Variants in DNAJC9 observed in about 807,000 individuals in gnomAD.
DNAJC9 encodes the protein dnaJ homolog subfamily C member 9.
A neutral mutation model predicts 32.4 loss-of-function variants in DNAJC9; 18 were observed. That is an observed-to-expected ratio of 0.56 (90% CI 0.38 to 0.82). The LOEUF is 0.82. Among genes scored for constraint, DNAJC9 ranks in the 40% least tolerant of loss-of-function variants. The pLI is 0.00. For missense variants in DNAJC9, 310 were observed against 321.8 expected (o/e 0.96, Z 0.28); for synonymous variants, 113 against 122.1 (o/e 0.93, Z 0.49).
At chr10:73,240,959 T>G, downstream of DNAJC9, 1 of 1,541,086 alleles carries the variant, frequency 6.5e-7, no homozygotes, top group African/African-American at 1.4e-5. Context: ...CTCAGTTACA[T>G]GGGTCTACAA....
At chr10:73,234,920 G>GT (rs2043788318), downstream of DNAJC9, 5 of 1,552,036 alleles carry the variant, frequency 3.2e-6, no homozygotes, top group Non-Finnish European at 3.5e-6. Flanking sequence ...TGTGAGCACT[G>GT]TGGGGCCACA....
chr10:73,239,360 G>A (rs1411723310), downstream of DNAJC9: 2 of 1,551,638 alleles, frequency 1.3e-6, no homozygotes, highest in East Asian at 2.4e-5. Context: ...TCCTCATCAG[G>A]CCCGACCTGG....
At chr10:73,234,913 G>A, downstream of DNAJC9, 1 of 1,552,004 alleles carries the variant, frequency 6.4e-7, no homozygotes. Context: ...TGGAACATGT[G>A]AGCACTGTGG....
chr10:73,240,474 A>T (rs1204253413), downstream of DNAJC9, among the ~76,000 whole-genome samples: 2 of 152,190 alleles, frequency 1.3e-5, no homozygotes, highest in South Asian at 2.1e-4. Flanking sequence ...GCACTTTCGG[A>T]GGCCAAGGCG....
At chr10:73,238,352 C>T (rs1002067044), downstream of DNAJC9, among the ~76,000 whole-genome samples, 1 of 152,058 alleles carries the variant, frequency 6.6e-6, no homozygotes, top group Non-Finnish European at 1.5e-5. Context: ...TCTGTCCCCC[C>T]ACAAAAAAAA....
intron 3 of DNAJC9, among the ~76,000 whole-genome samples, chr10:73,244,845 C>G (rs962120190): frequency 6.6e-6 from 1 of 152,182 alleles, no homozygotes; most frequent in Non-Finnish European, 1.5e-5. Context: ...GATGATGATA[C>G]ATTAGGACCC....
chr10:73,235,003 G>T, downstream of DNAJC9: 2 of 1,529,212 alleles, frequency 1.3e-6, no homozygotes, highest in South Asian at 1.2e-5. Flanking sequence ...CAGTAATTCT[G>T]CAGGATCTGT....
At chr10:73,240,747 G>A (rs1362853109), downstream of DNAJC9, among the ~76,000 whole-genome samples, 1 of 151,296 alleles carries the variant, frequency 6.6e-6, no homozygotes, top group Non-Finnish European at 1.5e-5. Flanking sequence ...TATAACTTAT[G>A]TAACACTGAA....
At chr10:73,233,253 T>C (rs1473439751) in intron 2 of DNAJC9, 2 of 946,044 alleles carry the variant, frequency 2.1e-6, no homozygotes, top group East Asian at 2.6e-5. Flanking sequence ...CTGAAATCTA[T>C]GCCTAGAAAC....
chr10:73,246,634 G>T, intron 2 of DNAJC9, 54 bp downstream of exon 2: 1 of 1,582,784 alleles, frequency 6.3e-7, no homozygotes, highest in Non-Finnish European at 8.7e-7. Context: ...GTCAATAAAG[G>T]TTTGTTGATT....
chr10:73,235,455 G>A, downstream of DNAJC9: 4 of 1,448,496 alleles, frequency 2.8e-6, no homozygotes, highest in Non-Finnish European at 2.7e-6. Context: ...AATAAAAAGT[G>A]TTATAAATAC....
In DNAJC9 at chr10:73,247,250, A is replaced by G. The variant is rs2044026651; in HGVS notation, c.-61T>C. ...CTCCCAGCTGCGCCGGGTACAACCC[A>G]GGACTGCTTCTTTTTCGCGCCCAAA... On this transcript the variant is annotated 5_prime_UTR_variant, in exon 1 of 5. Coordinates refer to ENST00000372950, the MANE Select transcript of DNAJC9 (RefSeq NM_015190.5). The G allele has an allele frequency of 6.5e-7, 1 of 1,545,024 alleles. No individual in the cohort carries two copies.
chr10:73,239,283 TAAG>T (rs760513407), downstream of DNAJC9: 2 of 1,533,308 alleles, frequency 1.3e-6, no homozygotes, highest in Non-Finnish European at 1.8e-6. Flanking sequence ...AGATGCATCA[TAAG>T]AAGTGTCTCC....
chr10:73,237,852 T>C (rs552594563), downstream of DNAJC9, among the ~76,000 whole-genome samples: 25 of 152,230 alleles, frequency 1.6e-4, no homozygotes, highest in African/African-American at 5.8e-4. Flanking sequence ...GCCTCCCAAG[T>C]AGCTGGGATT....
chr10:73,241,530 C>T (rs925316303), downstream of DNAJC9: 1 of 157,972 alleles, frequency 6.3e-6, no homozygotes, highest in Non-Finnish European at 1.4e-5. Flanking sequence ...ATGTCCTACC[C>T]TATCAGCAGA....
In DNAJC9 at chr10:73,247,136, C is replaced by G. The variant is rs1312864902; in HGVS notation, c.54G>C (p.Arg18=). ...EEVFGTADLY[R]VLGVRREASD... ...AGGCCTCGCGTCGCACGCCCAGCAC[C>G]CGGTAAAGGTCGGCGGTGCCGAACA... is the stretch of plus-strand genomic sequence containing the variant. The change falls in exon 1 of 5, where the codon CGG becomes CGC. Residue 18 remains arginine, a synonymous_variant. Transcript: ENST00000372950. 8 of 1,596,262 alleles carry G rather than the reference C, an allele frequency of 5.0e-6. No homozygotes were observed. Among genetic ancestry groups the G allele is most frequent in the Non-Finnish European group, 6.0e-6 (7 of 1,172,304 alleles).
At position 73,243,477 on chromosome 10, in the gene DNAJC9, C is replaced by T; in HGVS notation, c.706G>A (p.Ala236Thr). Residue 236 changes from alanine (A) to threonine (T), a missense_variant, in exon 5 of 5, where the codon GCT becomes ACT. Transcript: ENST00000372950. Reference protein sequence around the residue: ...DRQKEMDNFLAQMEAKYCKSS... With the variant: ...DRQKEMDNFLTQMEAKYCKSS... ...TTGCAGTACTTTGCTTCCATCTGAGCCAGAAAATTGTCCATTTCCTTTTGC... is the reference window on the plus strand; with the variant it reads ...TTGCAGTACTTTGCTTCCATCTGAGTCAGAAAATTGTCCATTTCCTTTTGC... 1 of 1,614,090 alleles carries T rather than the reference C, an allele frequency of 6.2e-7. No homozygotes were observed. The highest frequency in any genetic ancestry group is 8.5e-7 in the Non-Finnish European group (1 of 1,179,996).
chr10:73,243,308 A>C lies in DNAJC9; in HGVS notation c.*92T>G. The C allele has an allele frequency of 3.5e-6, 5 of 1,434,652 alleles. No individual in the cohort carries two copies. The highest frequency in any genetic ancestry group is 4.8e-6 in the Non-Finnish European group (5 of 1,044,718). The allele number at this position is 1,434,652 out of a possible 1,614,324, so 88.9% of individuals were successfully genotyped here. ...GGCTGGAAAGACACCTTTTCTCAAG[A>C]GCTGAATTGACTTTTGCCTTCAAAT... On this transcript the variant is annotated 3_prime_UTR_variant, in exon 5 of 5. Coordinates refer to ENST00000372950, the MANE Select transcript of DNAJC9 (RefSeq NM_015190.5).
chr10:73,234,535 A>G (rs1296061644), downstream of DNAJC9: 1 of 349,732 alleles, frequency 2.9e-6, no homozygotes, highest in Non-Finnish European at 5.3e-6. Context: ...GAGAAGTGCA[A>G]TACCAGATAG....
Sources: allele counts gnomAD v4.1 joint callset (sites outside exome capture counted in the v4.1 genomes callset), GRCh38; gene constraint gnomAD v4.1.1; transcripts MANE v1.5; gene names NCBI Gene and HGNC (gene_info 2026-07-23, HGNC 2026-07-21).